The following SPPL2B variants were observed in gnomAD, a reference collection of about 807,000 sequenced individuals.
SPPL2B encodes signal peptide peptidase-like 2B.
In SPPL2B, 39 loss-of-function variants were observed where a neutral mutation model predicts 59.7. That is an observed-to-expected ratio of 0.65 (90% CI 0.51 to 0.85). The LOEUF is 0.85. Ranked by LOEUF, SPPL2B falls within the 40% of genes least tolerant of loss-of-function variation. The probability of loss-of-function intolerance (pLI) is 0.00; values close to 1 mark genes in which losing one functional copy is unlikely to be tolerated. For missense variants in SPPL2B, 865 were observed against 849.0 expected, an observed-to-expected ratio of 1.02 and a Z score of -0.23; for synonymous variants, 419 against 370.8, an observed-to-expected ratio of 1.13 and a Z score of -1.49.
rs903127959 is a variant in SPPL2B at position 2,333,614 on chromosome 19, C to T, written c.67-988C>T. Among the ~76,000 whole-genome samples the T allele has an allele frequency of 2.0e-5, 3 of 152,232 alleles. 1 individual carries two copies. Among genetic ancestry groups the T allele is most frequent in the Middle Eastern group, 6.4e-3 (2 of 314 alleles). Reference sequence around the variant, plus strand: ...AGGGCTTTGGGGCCTGGTCCTGCCCCCTACTTCATTTTGAGAGCGTGGCAA... The same window carrying T: ...AGGGCTTTGGGGCCTGGTCCTGCCCTCTACTTCATTTTGAGAGCGTGGCAA... On this transcript the variant is annotated intron_variant, in intron 1 of 14. Transcript: ENST00000613503.
intron 1 of SPPL2B, among the ~76,000 whole-genome samples, chr19:2,329,493 G>T (rs1968167703): frequency 6.6e-6 from 1 of 152,080 alleles, no homozygotes; most frequent in Non-Finnish European, 1.5e-5. Flanking sequence ...CTACGAGATC[G>T]CACTGTCATA....
chr19:2,338,515 T>G (rs1968792766), intron 3 of SPPL2B: 6 of 478,868 alleles, frequency 1.3e-5, no homozygotes, highest in Non-Finnish European at 1.9e-5. Flanking sequence ...TTAGTGGCGC[T>G]TTTAGGCCTG....
At chr19:2,340,305 G>C in intron 7 of SPPL2B, 133 bp downstream of exon 7, 1 of 731,418 alleles carries the variant, frequency 1.4e-6, no homozygotes, top group Non-Finnish European at 2.2e-6. Flanking sequence ...GTGCTGGCCT[G>C]GGGCTCCTAG....
rs771162547 is a variant in SPPL2B at position 2,334,602 on chromosome 19, G to A, written c.67G>A (p.Val23Met). Residue 23 changes from valine to methionine, a missense_variant and splice_region_variant, in exon 2 of 15, where the codon GTG becomes ATG. Val to Met is a conservative substitution (Grantham distance 21). Coordinates refer to ENST00000613503, the MANE Select transcript of SPPL2B (RefSeq NM_152988.3). ...TCTGACTGCTGGCCTTGTCCTGCAG[G>A]TGGCCTGTGAGTACGGCATGGTGCA... ...LAAFLLLAAQ[V>M]ACEYGMVHVV... 33 of 1,609,458 alleles carry A rather than the reference G, an allele frequency of 2.1e-5. No individual in the cohort carries two copies. In the Admixed American group the frequency reaches 5.0e-4, roughly 25 times the overall value.
chr19:2,343,890 C>T (rs1969200945), intron 9 of SPPL2B, 75 bp from the exon 10 acceptor site: 17 of 1,163,162 alleles, frequency 1.5e-5, no homozygotes, highest in South Asian at 1.3e-4. Context: ...CAGGAGGAGG[C>T]GCTGGGCCTC....
chr19:2,350,248 T>C (rs1300827595), intron 13 of SPPL2B, among the ~76,000 whole-genome samples: 1 of 130,650 alleles, frequency 7.7e-6, no homozygotes, highest in African/African-American at 3.0e-5. Flanking sequence ...ACACACACAC[T>C]TGCGCTCTTA....
At chr19:2,350,327 C>T (rs1045959109) in intron 13 of SPPL2B, among the ~76,000 whole-genome samples, 51 of 75,014 alleles carry the variant, frequency 6.8e-4, no homozygotes, top group African/African-American at 8.7e-4. Flanking sequence ...GTTCTCTCTC[C>T]ACACACACAC....
At chr19:2,329,082 T>G (rs1172569727) in intron 1 of SPPL2B, among the ~76,000 whole-genome samples, 1 of 152,254 alleles carries the variant, frequency 6.6e-6, no homozygotes, top group Non-Finnish European at 1.5e-5. Context: ...GGGTCTCCAG[T>G]TGCCGCCGGG....
At chr19:2,334,776 C>G in intron 2 of SPPL2B, 55 bp downstream of exon 2, 1 of 1,466,318 alleles carries the variant, frequency 6.8e-7, no homozygotes, top group Non-Finnish European at 9.0e-7. Context: ...GGCCCCGGGG[C>G]TCTAGAGACA....
intron 13 of SPPL2B, among the ~76,000 whole-genome samples, 156 bp from the exon 14 acceptor site, chr19:2,351,278 G>A (rs1373369244): frequency 1.3e-5 from 2 of 152,114 alleles, no homozygotes; most frequent in East Asian, 1.9e-4. Context: ...GTACTTTGGG[G>A]AGCCTGTGGC....
intron 8 of SPPL2B, 23 bp from the exon 9 acceptor site, chr19:2,343,188 G>A (rs1025250668): frequency 1.9e-6 from 3 of 1,549,132 alleles, no homozygotes; most frequent in Non-Finnish European, 2.6e-6. Flanking sequence ...CTGCCCCGGC[G>A]AGGATGCTGC....
At chr19:2,337,665 GGCAGGAGGGGGGT>G (rs1217659164) in intron 3 of SPPL2B, 40 bp downstream of exon 3, 25 of 1,499,908 alleles carry the variant, frequency 1.7e-5, no homozygotes, top group Non-Finnish European at 2.2e-5. Flanking sequence ...AGCTCTCAGG[GGCAGGAGGGGGGT>G]GCAGGAGGCA....
rs940030416 is a variant in SPPL2B at position 2,353,964 on chromosome 19, G to C, written c.*755G>C. The C allele has an allele frequency of 6.6e-6, 1 of 152,318 alleles. No individual in the cohort carries two copies. Among genetic ancestry groups the C allele is most frequent in the Non-Finnish European group, 1.5e-5 (1 of 68,118 alleles). 9.4% of individuals were successfully genotyped at this position (152,318 alleles called of 1,614,324 possible). ...GCTGGTGCCACCTGGTGGGGTGGAC[G>C]TCTCTCAGACTGCCCTTCTGACAAG... On this transcript the variant is annotated 3_prime_UTR_variant, in exon 15 of 15. Coordinates refer to ENST00000613503, the MANE Select transcript of SPPL2B (RefSeq NM_152988.3).
At chr19:2,340,242 C>T (rs1355373481) in intron 7 of SPPL2B, 70 bp downstream of exon 7, 23 of 1,177,728 alleles carry the variant, frequency 2.0e-5, no homozygotes, top group Non-Finnish European at 2.7e-5. Flanking sequence ...TTTGCCGCCC[C>T]ATAGCCCCCC....
chr19:2,345,188 CCCAGGAAG>C, intron 12 of SPPL2B, 57 bp from the exon 13 acceptor site: 1 of 1,457,906 alleles, frequency 6.9e-7, no homozygotes, highest in South Asian at 1.1e-5. Context: ...CCCGCCCGCT[CCCAGGAAG>C]CCCCTGCTCT....
In SPPL2B at chr19:2,339,179, C is replaced by A. The variant is rs952264916; in HGVS notation, c.570C>A (p.Gly190=). ...IMAVGTVAIG[G]YWAGSRDVKK... ...CTGTGGGCACCGTCGCCATCGGCGG[C>A]TACTGGGCCGGGAGTCGGGACGTGA... The change falls in exon 5 of 15, where the codon GGC becomes GGA. Residue 190 remains glycine (G), a synonymous_variant. Coordinates refer to ENST00000613503, the MANE Select transcript of SPPL2B (RefSeq NM_152988.3). The A allele has an allele frequency of 6.2e-7, 1 of 1,604,620 alleles. No individual in the cohort carries two copies.
chr19:2,340,542 AAGTC>A (rs1476774277), intron 7 of SPPL2B: 3 of 567,476 alleles, frequency 5.3e-6, no homozygotes, highest in African/African-American at 3.8e-5. Context: ...GTCTCCAACA[AAGTC>A]AGACCTGGGT....
rs759059298 is a variant in SPPL2B at position 2,334,713 on chromosome 19, A to T, written c.178A>T (p.Ser60Cys). The T allele has an allele frequency of 6.2e-7, 1 of 1,604,284 alleles. No individual in the cohort carries two copies. Among genetic ancestry groups the T allele is most frequent in the African/African-American group, 1.3e-5 (1 of 74,532 alleles). Residue 60 changes from serine (S) to cysteine (C), a missense_variant, in exon 2 of 15, where the codon AGC becomes TGC. Coordinates refer to ENST00000613503, the MANE Select transcript of SPPL2B (RefSeq NM_152988.3). ...PQWAHLPHDL[S>C]KASFLQLRNW... ...GTGGGCCCATCTTCCGCACGACCTC[A>T]GCAAGGCAGTGAGTACCCGCTGGCC...
At position 2,329,016 on chromosome 19, in the gene SPPL2B, C is replaced by G. The variant is rs1968142476; in HGVS notation, c.66+241C>G. Among the ~76,000 whole-genome samples the G allele has an allele frequency of 2.0e-5, 3 of 152,350 alleles. No individual in the cohort carries two copies. In the South Asian group the frequency reaches 6.2e-4, roughly 32 times the overall value. ...CCGCCGCTGCAGCGCCACTCACTTCCCACCGGGTCTGAAATTTGTGCCCCC... is the reference window on the plus strand; with the variant it reads ...CCGCCGCTGCAGCGCCACTCACTTCGCACCGGGTCTGAAATTTGTGCCCCC... On this transcript the variant is annotated intron_variant, in intron 1 of 14. Transcript: ENST00000613503.
Sources: gnomAD v4.1 joint callset for allele counts (sites outside exome capture counted in the v4.1 genomes callset) on GRCh38, gnomAD v4.1.1 for gene constraint, MANE v1.5 for transcripts, NCBI Gene and HGNC (gene_info 2026-07-23, HGNC 2026-07-21) for gene names.